Variants in FLNA observed in about 807,000 individuals in gnomAD.
FLNA encodes filamin-A.
In FLNA, 7 loss-of-function variants were observed where a neutral mutation model predicts 157.6. That is an observed-to-expected ratio of 0.04 (90% CI 0.03 to 0.08). The LOEUF (loss-of-function observed/expected upper bound fraction) is 0.08. Among genes scored for constraint, FLNA ranks in the 10% least tolerant of loss-of-function variants. FLNA has a pLI of 1.00. For synonymous variants in FLNA, 1,103 were observed against 1,060.8 expected, an observed-to-expected ratio of 1.04 and a Z score of -0.77; for missense variants, 1,750 against 2,398.4, an observed-to-expected ratio of 0.73 and a Z score of 5.65.
intron 24 of FLNA, 24 bp downstream of exon 24, chrX:154,359,460 A>G (rs1557177496): frequency 8.3e-7 from 1 of 1,210,084 alleles, no homozygotes; most frequent in African/African-American, 1.7e-5. Context: ...CACCAGCCAC[A>G]CGGGCTCCTG....
At position 154,361,543 on chromosome X, in the gene FLNA, A is replaced by C; in HGVS notation, c.2972T>G (p.Phe991Cys). The C allele has an allele frequency of 8.3e-7, 1 of 1,211,600 alleles. No individual in the cohort carries two copies. The highest frequency in any genetic ancestry group is 1.1e-6 in the Non-Finnish European group (1 of 895,408). The change falls in exon 21 of 48, where the codon TTC (phenylalanine) becomes TGC (cysteine). Residue 991 changes from phenylalanine to cysteine, a missense_variant. Coordinates refer to ENST00000369850, the MANE Select transcript of FLNA (RefSeq NM_001110556.2). ...EKVDVGKDQE[F>C]TVKSKGAGGQ... ...ACCAGCACCCTTTGATTTGACTGTG[A>C]ACTCCTGGTCTTTGCCAACGTCCAC...
chrX:154,349,954 C>T, intron 45 of FLNA, 77 bp downstream of exon 45: 1 of 1,186,573 alleles, frequency 8.4e-7, no homozygotes. Flanking sequence ...CTCCAGGTGC[C>T]TCCTGTTGTC....
chrX:154,372,009 G>A (rs1286484895), intron 1 of FLNA, among the ~76,000 whole-genome samples: 1 of 113,879 alleles, frequency 8.8e-6, no homozygotes, highest in African/African-American at 3.2e-5. Context: ...CCCCTGCCAC[G>A]GGCCCGCCTT....
At chrX:154,355,151 C>T in intron 30 of FLNA, 79 bp from the exon 31 acceptor site, 10 of 1,050,792 alleles carry the variant, frequency 9.5e-6, no homozygotes, top group Non-Finnish European at 1.3e-5. Flanking sequence ...GCCTGCCGCC[C>T]ACACAGGCCT....
At chrX:154,349,189 G>A (rs782060515) in intron 47 of FLNA, among the ~76,000 whole-genome samples, 153 bp from the exon 48 acceptor site, 1 of 113,035 alleles carries the variant, frequency 8.8e-6, no homozygotes, top group South Asian at 3.6e-4. Context: ...CAGCTTAGCA[G>A]ATTCCAGCTC....
chrX:154,360,734 G>T, intron 21 of FLNA, 147 bp from the exon 22 acceptor site: 2 of 531,497 alleles, frequency 3.8e-6, no homozygotes, highest in Non-Finnish European at 6.2e-6. Flanking sequence ...TGCCAGATGG[G>T]CCATCCATCA....
At chrX:154,354,121 G>A (rs781954591) in intron 34 of FLNA, 30 bp downstream of exon 34, 8 of 1,210,695 alleles carry the variant, frequency 6.6e-6, no homozygotes. Flanking sequence ...GGTGGTGGCG[G>A]TGGAGTGGGC....
intron 2 of FLNA, among the ~76,000 whole-genome samples, chrX:154,368,865 C>T (rs1175890886): frequency 1.8e-5 from 2 of 112,823 alleles, no homozygotes; most frequent in African/African-American, 6.4e-5. Flanking sequence ...CCCTTGCCAC[C>T]CACTGCCTGA....
At position 154,371,344 on chromosome X, in the gene FLNA, C is replaced by T; in HGVS notation, c.-99G>A. On this transcript the variant is annotated 5_prime_UTR_variant, in exon 2 of 48. Coordinates refer to ENST00000369850, the MANE Select transcript of FLNA (RefSeq NM_001110556.2). ...GCACCTAGGCGCGCGGGAGGCGAGG[C>T]AGGGAGCAGAGGTTGCGCTGCGGAG... is the stretch of plus-strand genomic sequence containing the variant. The T allele has an allele frequency of 9.5e-7, 1 of 1,055,227 alleles. No individual in the cohort carries two copies. Among genetic ancestry groups the T allele is most frequent in the Non-Finnish European group, 1.3e-6 (1 of 784,380 alleles). 87.0% of individuals were successfully genotyped at this position (1,055,227 alleles called of 1,213,427 possible). A position where few individuals can be genotyped will look rare whatever the true frequency, so the allele number is the denominator to read the frequency against.
chrX:154,371,211 G>T lies in FLNA; in HGVS notation c.35C>A (p.Ala12Glu). The T allele has an allele frequency of 1.7e-6, 2 of 1,199,083 alleles. No individual in the cohort carries two copies. The highest frequency in any genetic ancestry group is 2.2e-6 in the Non-Finnish European group (2 of 889,950). Residue 12 changes from alanine to glutamate, a missense_variant, in exon 2 of 48, where the codon GCA (alanine) becomes GAA (glutamate). By Grantham distance (107) the Ala-to-Glu change is moderately radical. Around this residue, in one of 5 missense-constraint regions of FLNA, gnomAD observed 58 missense variants for 27.8 expected, o/e 2.09. Coordinates refer to ENST00000369850, the MANE Select transcript of FLNA (RefSeq NM_001110556.2). ...GCCGCCGCCCGGAGCCGCGCCTGCT[G>T]CGCTCTGGCCCGCCCGAGAGTGGGA... ...SSSHSRAGQS[A>E]AGAAPGGGVD...
In FLNA at chrX:154,353,119, C is replaced by T. The variant is rs782221205; in HGVS notation, c.6108G>A (p.Pro2036=). 1.9e-5 allele frequency: 23 copies of T among 1,209,950 alleles called. No individual in the cohort carries two copies. Among genetic ancestry groups the T allele is most frequent in the African/African-American group, 8.7e-5 (5 of 57,315 alleles). The change falls in exon 38 of 48, where the codon CCG becomes CCA. Residue 2036 remains proline, a synonymous_variant. Transcript: ENST00000369850. ...NGQHVASSPI[P]VVISQSEIGD... is the part of the protein sequence containing the mutation. ...CAATTTCCGACTGGCTGATCACCAC[C>T]GGGATGGGGCTGCTGGCCACGTGCT...
In FLNA at chrX:154,361,483, G is replaced by C; in HGVS notation, c.3032C>G (p.Pro1011Arg). Residue 1011 changes from proline (P) to arginine (R), a missense_variant, in exon 21 of 48, where the codon CCC becomes CGC. Transcript: ENST00000369850. ...QGKVASKIVG[P>R]SGAAVPCKVE... The stretch of plus-strand genomic sequence containing the variant: ...CTTGCAGGGCACCGCTGCACCCGAG[G>C]GGCCCACAATCTTGGATGCCACTTT... 1 of 1,211,579 alleles carries C rather than the reference G, an allele frequency of 8.3e-7. No homozygotes were observed. The highest frequency in any genetic ancestry group is 1.7e-5 in the African/African-American group (1 of 57,839).
At chrX:154,355,899 T>G (rs1328855423) in intron 30 of FLNA, among the ~76,000 whole-genome samples, 3 of 112,769 alleles carry the variant, frequency 2.7e-5, no homozygotes, top group Non-Finnish European at 3.8e-5. Flanking sequence ...GAGTGCCCCC[T>G]GCAGCCTGGC....
chrX:154,349,581 G>T lies in FLNA; in HGVS notation c.7553-16C>A. 1 of 1,210,969 alleles carries T rather than the reference G, an allele frequency of 8.3e-7. No homozygotes were observed. The highest frequency in any genetic ancestry group is 1.1e-6 in the Non-Finnish European group (1 of 894,260). ...AGACGGGGGCCTGCAAGGCAGAGTG[G>T]GTGGGGCTAAGAGGTGGCTGTGGTG... is the stretch of plus-strand genomic sequence containing the variant. On this transcript the variant is annotated splice_polypyrimidine_tract_variant and intron_variant, in intron 46 of 47. Transcript: ENST00000369850.
At chrX:154,371,451 G>C (rs1211074113) in intron 1 of FLNA, 90 bp from the exon 2 acceptor site, 1 of 440,843 alleles carries the variant, frequency 2.3e-6, no homozygotes, top group African/African-American at 2.6e-5. Context: ...GTGGGGCTTC[G>C]AGGGCGCGCC....
In FLNA at chrX:154,358,448, C is replaced by T. The variant is rs782460301; in HGVS notation, c.4595G>A (p.Arg1532Gln). 20 of 1,211,387 alleles carry T rather than the reference C, an allele frequency of 1.7e-5. No individual in the cohort carries two copies. The highest frequency in any genetic ancestry group is 4.3e-5 in the Admixed American group (2 of 46,083). The change falls in exon 27 of 48, where the codon CGG (arginine) becomes CAG (glutamine). Residue 1532 changes from arginine (R) to glutamine (Q), a missense_variant. This residue lies in a region of FLNA where 970 missense variants were observed against 1,302.6 expected (regional missense o/e 0.74). Transcript: ENST00000369850. The part of the protein sequence containing the change: ...SVLYGDEEVP[R>Q]SPFKVKVLPT... ...GGCAGCAGGCCCTGCCTCTTACCTC[C>T]GGGGTACCTCTTCATCTCCATACAG...
At chrX:154,370,340 A>T (rs1464367714) in intron 2 of FLNA, among the ~76,000 whole-genome samples, 2 of 111,929 alleles carry the variant, frequency 1.8e-5, no homozygotes, top group Non-Finnish European at 3.8e-5. Context: ...GGGGGGGTAG[A>T]TCTAAACTGG....
In FLNA at chrX:154,366,043, G is replaced by A. The variant is rs782184206; in HGVS notation, c.1410C>T (p.Tyr470=). The change falls in exon 9 of 48, where the codon TAC becomes TAT. Residue 470 remains tyrosine, a synonymous_variant. Transcript: ENST00000369850. ...FAGVPIPRSP[Y]TVTVGQACNP... is the part of the protein sequence containing the mutation. Reference sequence around the variant, plus strand: ...GCCTACCTTGGCCAACAGTGACAGTGTAGGGGCTGCGAGGGATGGGCACGC... The same window carrying A: ...GCCTACCTTGGCCAACAGTGACAGTATAGGGGCTGCGAGGGATGGGCACGC... The A allele has an allele frequency of 8.3e-7, 1 of 1,207,737 alleles. No individual in the cohort carries two copies. The highest frequency in any genetic ancestry group is 1.8e-5 in the South Asian group (1 of 56,894).
chrX:154,358,623 A>G, intron 26 of FLNA, 55 bp from the exon 27 acceptor site: 4 of 1,173,890 alleles, frequency 3.4e-6, no homozygotes, highest in Non-Finnish European at 4.6e-6. Context: ...CTCCATTCCT[A>G]CCCCACCACA....
Sources: gnomAD v4.1 joint callset for allele counts (sites outside exome capture counted in the v4.1 genomes callset) on GRCh38, gnomAD v4.1.1 for gene constraint, gnomAD v4.1.1 regional missense constraint, MANE v1.5 for transcripts, NCBI Gene and HGNC (gene_info 2026-07-23, HGNC 2026-07-21) for gene names.